Variants in PAPPA2 observed in about 807,000 individuals in gnomAD.
PAPPA2 encodes pappalysin 2.
In PAPPA2, 86 loss-of-function variants were observed where a neutral mutation model predicts 176.4. That is an observed-to-expected ratio of 0.49 (90% CI 0.41 to 0.58). The LOEUF is 0.58. Among genes scored for constraint, PAPPA2 ranks in the 20% least tolerant of loss-of-function variants. PAPPA2 has a pLI of 0.00. For synonymous variants in PAPPA2, 809 were observed against 852.2 expected, an observed-to-expected ratio of 0.95 and a Z score of 0.88; for missense variants, 2,073 against 2,256.9, an observed-to-expected ratio of 0.92 and a Z score of 1.65.
At chr1:176,479,965 G>A (rs1362097610) in intron 1 of PAPPA2, among the ~76,000 whole-genome samples, 1 of 152,230 alleles carries the variant, frequency 6.6e-6, no homozygotes, top group Non-Finnish European at 1.5e-5. Flanking sequence ...CTGTAGAAGA[G>A]AAATACACAG....
chr1:176,626,888 C>T (rs1315019086), intron 3 of PAPPA2, among the ~76,000 whole-genome samples: 33 of 142,514 alleles, frequency 2.3e-4, no homozygotes, highest in Middle Eastern at 3.7e-3. Flanking sequence ...ACCTGTTTTT[C>T]CTTTTTTTTT....
chr1:176,779,463 C>T (rs1053691446), intron 17 of PAPPA2, among the ~76,000 whole-genome samples: 4 of 145,752 alleles, frequency 2.7e-5, no homozygotes, highest in African/African-American at 1.0e-4. Context: ...AGAATGTTAA[C>T]ATTCCATACT....
chr1:176,790,287 A>C (rs2102937145), intron 18 of PAPPA2, among the ~76,000 whole-genome samples: 1 of 152,294 alleles, frequency 6.6e-6, no homozygotes, highest in South Asian at 2.1e-4. Flanking sequence ...CCACTGACAT[A>C]AGTTGGCTAC....
At chr1:176,569,983 T>C (rs1485223903) in intron 2 of PAPPA2, among the ~76,000 whole-genome samples, 3 of 152,210 alleles carry the variant, frequency 2.0e-5, no homozygotes, top group African/African-American at 7.2e-5. Flanking sequence ...TAGGAATTTG[T>C]CTCCTAGAAA....
At chr1:176,577,998 T>C (rs1652751004) in intron 2 of PAPPA2, among the ~76,000 whole-genome samples, 1 of 152,164 alleles carries the variant, frequency 6.6e-6, no homozygotes, top group African/African-American at 2.4e-5. Flanking sequence ...AGCAGGACTC[T>C]CACTCCTAAC....
chr1:176,503,947 G>T (rs2294647), intron 1 of PAPPA2, among the ~76,000 whole-genome samples: 3 of 151,908 alleles, frequency 2.0e-5, no homozygotes, highest in East Asian at 1.9e-4. Context: ...CTACAGAAGT[G>T]GGATGAAAAA....
intron 12 of PAPPA2, among the ~76,000 whole-genome samples, chr1:176,733,206 C>G (rs1662242509): frequency 2.0e-5 from 3 of 152,146 alleles, no homozygotes; most frequent in Admixed American, 1.3e-4. Flanking sequence ...TCAGGATTCT[C>G]TACTTGAGGA....
At position 176,671,063 on chromosome 1, in the gene PAPPA2, C is replaced by T. The variant is rs768458710; in HGVS notation, c.2085C>T (p.Asp695=). 6.2e-7 allele frequency: 1 copy of T among 1,613,998 alleles called. No homozygotes were observed. The highest frequency in any genetic ancestry group is 1.1e-5 in the South Asian group (1 of 91,086). Residue 695 remains aspartate (D), a synonymous_variant, in exon 4 of 23, where the codon GAC becomes GAT. Transcript: ENST00000367662. The part of the protein sequence containing the change: ...NIYFASSVRE[D]LAGAATWPWD... ...ACTTTGCCAGCTCAGTGCGGGAAGA[C>T]CTTGCAGGTGCTGCCACCTGGCCTT...
chr1:176,695,613 A>G, intron 6 of PAPPA2, 125 bp from the exon 7 acceptor site: 1 of 1,048,288 alleles, frequency 9.5e-7, no homozygotes, highest in Non-Finnish European at 1.4e-6. Context: ...GTTCTTAGTT[A>G]CTCTCTAGGT....
chr1:176,717,785 A>AT (rs886089385), intron 12 of PAPPA2, among the ~76,000 whole-genome samples: 4 of 152,202 alleles, frequency 2.6e-5, no homozygotes, highest in Admixed American at 6.5e-5. Flanking sequence ...CACATTAAAC[A>AT]TTTTTTTAAT....
intron 3 of PAPPA2, among the ~76,000 whole-genome samples, chr1:176,654,481 A>G (rs1185012639): frequency 6.7e-6 from 1 of 149,582 alleles, no homozygotes; most frequent in East Asian, 2.0e-4. Flanking sequence ...TATTTTGGTT[A>G]CCATAGCCTT....
chr1:176,655,031 C>T (rs181177185), intron 3 of PAPPA2, among the ~76,000 whole-genome samples: 1 of 151,704 alleles, frequency 6.6e-6, no homozygotes, highest in East Asian at 2.0e-4. Flanking sequence ...ATAATTTGAC[C>T]TCTTCTTTTC....
rs539270165 is a variant in PAPPA2, at chr1:176,728,341, G to T, written c.3799-11285G>T. Among the ~76,000 whole-genome samples the T allele has an allele frequency of 1.7e-4, 26 of 151,952 alleles. 1 individual carries two copies. In the South Asian group the frequency reaches 5.4e-3, roughly 32 times the overall value. On this transcript the variant is annotated intron_variant, in intron 12 of 22. Coordinates refer to ENST00000367662, the MANE Select transcript of PAPPA2 (RefSeq NM_020318.3). ...AACAACCTGAAAATTATTTCACTTA[G>T]TATCACAGTTTAATACAAAATTAAG...
At chr1:176,604,716 T>C (rs184620686) in intron 3 of PAPPA2, among the ~76,000 whole-genome samples, 33 of 152,366 alleles carry the variant, frequency 2.2e-4, no homozygotes, top group Non-Finnish European at 3.8e-4. Flanking sequence ...CCCATTCTTG[T>C]CTGTCTCTTG....
chr1:176,559,968 G>A (rs1025327075), intron 2 of PAPPA2, among the ~76,000 whole-genome samples: 2 of 152,172 alleles, frequency 1.3e-5, no homozygotes, highest in Non-Finnish European at 2.9e-5. Context: ...CCAGATGCGG[G>A]GGTCTTAGAG....
At position 176,765,704 on chromosome 1, in the gene PAPPA2, C is replaced by A. The variant is rs144502400; in HGVS notation, c.4190C>A (p.Pro1397Gln). The change falls in exon 15 of 23, where the codon CCG becomes CAG. Residue 1397 changes from proline to glutamine, a missense_variant. Physicochemically the swap from Pro to Gln is moderately conservative, Grantham distance 76. Coordinates refer to ENST00000367662, the MANE Select transcript of PAPPA2 (RefSeq NM_020318.3). ...HRPCGKQDSC[P>Q]SLLLDHADVV... is the part of the protein sequence containing the mutation. ...CCCTGTGGGAAGCAGGACAGCTGTCCGTCATTGCTGCTTGATCATGCTGAT... is the reference window on the plus strand; with the variant it reads ...CCCTGTGGGAAGCAGGACAGCTGTCAGTCATTGCTGCTTGATCATGCTGAT... 1 of 1,614,032 alleles carries A rather than the reference C, an allele frequency of 6.2e-7. No individual in the cohort carries two copies. The highest frequency in any genetic ancestry group is 8.5e-7 in the Non-Finnish European group (1 of 1,179,998).
intron 14 of PAPPA2, among the ~76,000 whole-genome samples, chr1:176,750,617 A>C (rs998544995): frequency 2.0e-5 from 3 of 152,176 alleles, no homozygotes; most frequent in Non-Finnish European, 4.4e-5. Context: ...AAATCAAAAC[A>C]AAACAAAGTG....
chr1:176,658,945 G>T (rs1056086822), intron 3 of PAPPA2, among the ~76,000 whole-genome samples: 1 of 151,920 alleles, frequency 6.6e-6, no homozygotes, highest in Non-Finnish European at 1.5e-5. Context: ...GTGGCAGTGG[G>T]ACAGGAAAAA....
At chr1:176,546,915 A>G (rs910048326) in intron 1 of PAPPA2, among the ~76,000 whole-genome samples, 4 of 152,188 alleles carry the variant, frequency 2.6e-5, no homozygotes, top group African/African-American at 9.6e-5. Flanking sequence ...GTGAGGTAAA[A>G]TTGTTTCCAA....
Sources: gnomAD v4.1 joint callset for allele counts (sites outside exome capture counted in the v4.1 genomes callset) on GRCh38, gnomAD v4.1.1 for gene constraint, MANE v1.5 for transcripts, NCBI Gene and HGNC (gene_info 2026-07-23, HGNC 2026-07-21) for gene names.